The following TACC1 variants were observed in gnomAD, a reference collection of about 807,000 sequenced individuals.
TACC1 encodes the protein transforming acidic coiled-coil containing protein 1, also known as transforming acidic coiled-coil-containing protein 1.
In TACC1, 48 loss-of-function variants were observed where a neutral mutation model predicts 84.4. That is an observed-to-expected ratio of 0.57 (90% CI 0.45 to 0.72). The LOEUF (loss-of-function observed/expected upper bound fraction) is 0.72. TACC1 is among the 30% of genes least tolerant of loss of function. The pLI, the probability that TACC1 is intolerant of heterozygous loss-of-function variation, is 0.00. For synonymous variants in TACC1, 372 were observed against 376.3 expected (o/e 0.99, Z 0.13); for missense variants, 920 against 973.0 (o/e 0.95, Z 0.72).
intron 3 of TACC1, among the ~76,000 whole-genome samples, chr8:38,762,516 C>T (rs1811403163): frequency 6.6e-6 from 1 of 151,704 alleles, no homozygotes; most frequent in African/African-American, 2.4e-5. Flanking sequence ...ATTCATTCAT[C>T]TGTGAGTGAA....
chr8:38,787,046 C>G (rs1343232271), upstream of TACC1, among the ~76,000 whole-genome samples: 8 of 151,810 alleles, frequency 5.3e-5, no homozygotes, highest in Non-Finnish European at 1.2e-4. Context: ...GCCGGCAAGC[C>G]CCGGCCCTCA....
rs184564099 is a variant in TACC1, at chr8:38,819,639, T to A, written c.395T>A (p.Val132Asp). ...VPQQAIDSHS[V>D]KNFREEPEHD... ...CAGCAGGCCATTGACTCTCACTCAGTCAAGAATTTCAGAGAAGAACCTGAA... is the reference window on the plus strand; with the variant it reads ...CAGCAGGCCATTGACTCTCACTCAGACAAGAATTTCAGAGAAGAACCTGAA... The change falls in exon 3 of 13, where the codon GTC (valine) becomes GAC (aspartate). Residue 132 changes from valine (V) to aspartate (D), a missense_variant. Physicochemically the swap from Val to Asp is radical, Grantham distance 152. Transcript: ENST00000317827. 7.2e-5 allele frequency: 117 copies of A among 1,614,222 alleles called. 1 individual carries two copies. The Admixed American group carries it at 1.9e-3, about 26-fold the overall frequency.
At chr8:38,825,250 C>T in intron 3 of TACC1, 58 bp from the exon 4 acceptor site, 1 of 1,578,208 alleles carries the variant, frequency 6.3e-7, no homozygotes, top group Non-Finnish European at 8.7e-7. Flanking sequence ...CCATTTCATA[C>T]CTTGACAATT....
chr8:38,836,067 G>C (rs536187411), intron 6 of TACC1, 95 bp from the exon 7 acceptor site: 1 of 1,522,234 alleles, frequency 6.6e-7, no homozygotes, highest in African/African-American at 1.4e-5. Flanking sequence ...GGTTTTAAAG[G>C]ATGTGATCAA....
At chr8:38,791,691 CTT>C (rs1345711788) in intron 2 of TACC1, among the ~76,000 whole-genome samples, 1 of 152,156 alleles carries the variant, frequency 6.6e-6, no homozygotes, top group African/African-American at 2.4e-5. Flanking sequence ...GTCTTTCATA[CTT>C]TTGTGGTTCC....
chr8:38,793,673 G>T (rs981989507), intron 2 of TACC1, among the ~76,000 whole-genome samples: 4 of 152,010 alleles, frequency 2.6e-5, no homozygotes, highest in African/African-American at 4.8e-5. Context: ...GAGCTCCAGG[G>T]CTCAAGTAAG....
intron 3 of TACC1, 41 bp from the exon 4 acceptor site, chr8:38,825,267 G>A (rs1827783929): frequency 6.2e-7 from 1 of 1,609,286 alleles, no homozygotes; most frequent in African/African-American, 1.3e-5. Flanking sequence ...AATTGTCAGT[G>A]TGATTGCAAA....
rs773378087 is a variant in TACC1, at chr8:38,840,275, G to C, written c.1960+8G>C. On this transcript the variant is annotated splice_region_variant and intron_variant, in intron 9 of 12. Transcript: ENST00000317827. ...CTATTGCTCAAATGATTGGTAAGGA[G>C]AACATTTTGTTTTTTGAGGGTATGA... 1 of 1,612,334 alleles carries C rather than the reference G, an allele frequency of 6.2e-7. No individual in the cohort carries two copies. The highest frequency in any genetic ancestry group is 8.5e-7 in the Non-Finnish European group (1 of 1,178,690).
At chr8:38,790,642 G>A (rs1818422707) in intron 2 of TACC1, among the ~76,000 whole-genome samples, 2 of 152,172 alleles carry the variant, frequency 1.3e-5, no homozygotes, top group African/African-American at 2.4e-5. Context: ...TTATTGCTTA[G>A]CAACTTCTTC....
chr8:38,789,277 G>A (rs989006125), intron 2 of TACC1, among the ~76,000 whole-genome samples: 1 of 152,242 alleles, frequency 6.6e-6, no homozygotes, highest in East Asian at 1.9e-4. Context: ...GATGTGGTGA[G>A]AGCCCTTCAG....
At chr8:38,824,053 C>A (rs1245924990) in intron 3 of TACC1, 2 of 1,350,866 alleles carry the variant, frequency 1.5e-6, no homozygotes, top group African/African-American at 1.5e-5. Flanking sequence ...TTCTTTAGTC[C>A]CTGGGACCGT....
At chr8:38,776,315 C>T (rs570733985) in intron 3 of TACC1, among the ~76,000 whole-genome samples, 1 of 152,308 alleles carries the variant, frequency 6.6e-6, no homozygotes, top group Admixed American at 6.5e-5. Flanking sequence ...GAAGGGTAGT[C>T]TCAGTCCTGT....
chr8:38,818,970 G>T (rs374177513), intron 2 of TACC1, among the ~76,000 whole-genome samples: 142 of 152,210 alleles, frequency 9.3e-4, no homozygotes, highest in South Asian at 5.2e-3. Flanking sequence ...TAGAGATGGG[G>T]TTTCACCATG....
At chr8:38,753,929 C>CTTTCTTTCTTTCTTTCTTTCT (rs370460992) in intron 3 of TACC1, among the ~76,000 whole-genome samples, 2 of 120,744 alleles carry the variant, frequency 1.7e-5, no homozygotes, top group Non-Finnish European at 3.7e-5. Context: ...TTCTTTCTTT[C>CTTTCTTTCTTTCTTTCTTTCT]TTCTTTCTCT....
intron 5 of TACC1, among the ~76,000 whole-genome samples, chr8:38,828,862 G>T (rs369868000): frequency 6.6e-6 from 1 of 152,100 alleles, no homozygotes; most frequent in African/African-American, 2.4e-5. Context: ...TGGTCTTTTC[G>T]CCACAATGCC....
chr8:38,846,929 A>C (rs1177777142), intron 12 of TACC1, 110 bp downstream of exon 12: 2 of 1,312,808 alleles, frequency 1.5e-6, no homozygotes, highest in Admixed American at 5.0e-5. Context: ...CTTTCTACTC[A>C]GACATTTCAG....
upstream of TACC1, among the ~76,000 whole-genome samples, chr8:38,782,756 G>A (rs1165012920): frequency 1.3e-5 from 2 of 152,200 alleles, no homozygotes; most frequent in African/African-American, 4.8e-5. Context: ...TTTAAAGATA[G>A]TTCACTGCTT....
At chr8:38,787,845 C>A (rs1372459419) in intron 1 of TACC1, 102 bp downstream of exon 1, 9 of 1,173,350 alleles carry the variant, frequency 7.7e-6, no homozygotes, top group Non-Finnish European at 1.0e-5. Context: ...CGAAACCGTC[C>A]TCACGGCCGT....
chr8:38,813,266 G>C (rs1375736494), intron 2 of TACC1, among the ~76,000 whole-genome samples: 2 of 152,138 alleles, frequency 1.3e-5, no homozygotes, highest in African/African-American at 4.8e-5. Flanking sequence ...GAATCTAACT[G>C]AATTCACAAT....
Sources: gnomAD v4.1 joint callset for allele counts (sites outside exome capture counted in the v4.1 genomes callset) on GRCh38, gnomAD v4.1.1 for gene constraint, MANE v1.5 for transcripts, NCBI Gene and HGNC (gene_info 2026-07-23, HGNC 2026-07-21) for gene names.